Variants in CDYL2 observed in about 807,000 individuals in gnomAD.
The protein encoded by CDYL2 is chromodomain Y like 2, also known as chromodomain Y-like protein 2.
CDYL2 carries 23 observed loss-of-function variants against 49.4 expected under a neutral mutation model. That is an observed-to-expected ratio of 0.47 (90% CI 0.34 to 0.66). CDYL2 has a LOEUF of 0.66. Ranked by LOEUF, CDYL2 falls within the 30% of genes least tolerant of loss-of-function variation. The probability of loss-of-function intolerance (pLI) is 0.01; values close to 1 mark genes in which losing one functional copy is unlikely to be tolerated. For missense variants in CDYL2, 678 were observed against 656.4 expected (o/e 1.03, Z -0.36); for synonymous variants, 360 against 268.8 (o/e 1.34, Z -3.32).
At chr16:80,635,901 A>G (rs1291053431) in intron 2 of CDYL2, among the ~76,000 whole-genome samples, 1 of 152,248 alleles carries the variant, frequency 6.6e-6, no homozygotes, top group African/African-American at 2.4e-5. Context: ...GGCCTCAGAA[A>G]TAACACCACT....
intron 1 of CDYL2, among the ~76,000 whole-genome samples, chr16:80,753,469 G>A (rs529718848): frequency 1.3e-4 from 20 of 152,206 alleles, no homozygotes; most frequent in African/African-American, 3.6e-4. Context: ...TTAGCCAGGC[G>A]TGGTGGCGCA....
rs1013394913 is a variant in CDYL2 at position 80,684,785 on chromosome 16, C to T, written c.369G>A (p.Lys123=). ...TGGCCCTGTCACCTCCTGAAGAGGG[C>T]TTGCCTGAATACCCTTTTTTTGGCT... is the stretch of plus-strand genomic sequence containing the variant. ...LAKPKKGYSG[K]PSSGGDRATK... Residue 123 remains lysine (K), a synonymous_variant, in exon 2 of 7, where the codon AAG becomes AAA. Coordinates refer to ENST00000570137, the MANE Select transcript of CDYL2 (RefSeq NM_152342.4). 2 of 1,614,108 alleles carry T rather than the reference C, an allele frequency of 1.2e-6. No individual in the cohort carries two copies. The highest frequency in any genetic ancestry group is 2.7e-5 in the African/African-American group (2 of 74,932).
At position 80,612,617 on chromosome 16, in the gene CDYL2, G is replaced by C; in HGVS notation, c.1218+9C>G. 1.3e-6 allele frequency: 2 copies of C among 1,595,060 alleles called. No homozygotes were observed. The highest frequency in any genetic ancestry group is 1.7e-6 in the Non-Finnish European group (2 of 1,170,410). The stretch of plus-strand genomic sequence containing the variant: ...TGGGACCCGAATCCAGGTATCACAG[G>C]AGGCTTACCAGCGCGACGCCCAGGA... On this transcript the variant is annotated intron_variant, in intron 5 of 6. Coordinates refer to ENST00000570137, the MANE Select transcript of CDYL2 (RefSeq NM_152342.4). The surrounding 1 kb of genome is among the most constrained non-coding windows in gnomAD (Gnocchi z 5.0).
intron 1 of CDYL2, among the ~76,000 whole-genome samples, chr16:80,750,093 G>A (rs557666420): frequency 8.5e-4 from 129 of 152,040 alleles, no homozygotes; most frequent in Middle Eastern, 3.4e-3. Flanking sequence ...TGTGGGGTGG[G>A]GGGATGGGGG....
At chr16:80,676,478 G>A (rs1909747993) in intron 2 of CDYL2, among the ~76,000 whole-genome samples, 2 of 152,272 alleles carry the variant, frequency 1.3e-5, no homozygotes, top group South Asian at 2.1e-4. Context: ...GGCCACTGCC[G>A]ATGACAGTCA....
chr16:80,722,589 C>T (rs564245529), intron 1 of CDYL2, among the ~76,000 whole-genome samples: 6 of 152,248 alleles, frequency 3.9e-5, no homozygotes, highest in African/African-American at 1.2e-4. Context: ...TTTTCTTAGG[C>T]CTATTTTACA....
At chr16:80,778,923 C>T (rs72820983) in intron 1 of CDYL2, among the ~76,000 whole-genome samples, 1,864 of 152,048 alleles carry the variant, frequency 0.012, 23 homozygotes, top group Middle Eastern at 0.02. Flanking sequence ...AACGAAAGAT[C>T]AACAATCACA....
chr16:80,629,699 C>CA (rs1456856614), intron 3 of CDYL2, among the ~76,000 whole-genome samples: 3 of 152,214 alleles, frequency 2.0e-5, no homozygotes, highest in Non-Finnish European at 1.5e-5. Context: ...TTAATGCACA[C>CA]AGTAATGTAT....
intron 1 of CDYL2, among the ~76,000 whole-genome samples, chr16:80,759,923 A>G (rs939878626): frequency 6.6e-6 from 1 of 152,218 alleles, no homozygotes; most frequent in African/African-American, 2.4e-5. Context: ...AAACTGACTC[A>G]GACTATTTAG....
intron 2 of CDYL2, among the ~76,000 whole-genome samples, chr16:80,640,247 G>A (rs1013077527): frequency 2.0e-5 from 3 of 152,138 alleles, no homozygotes; most frequent in African/African-American, 4.8e-5. Context: ...GAAGAGTAGG[G>A]AGGACTTTGT....
intron 1 of CDYL2, among the ~76,000 whole-genome samples, chr16:80,738,959 A>C (rs1196512677): frequency 2.0e-5 from 3 of 152,254 alleles, no homozygotes; most frequent in Non-Finnish European, 2.9e-5. Flanking sequence ...TCAGCTGTAA[A>C]AGATCAGAGG....
intron 1 of CDYL2, among the ~76,000 whole-genome samples, chr16:80,755,251 T>G (rs920455685): frequency 6.6e-6 from 1 of 152,218 alleles, no homozygotes; most frequent in Non-Finnish European, 1.5e-5. Flanking sequence ...GTTTGGAGAA[T>G]GGAGGAAACC....
In CDYL2 at chr16:80,659,250, A is replaced by G. The variant is rs556383857; in HGVS notation, c.616+25288T>C. ...CTAGCTTGTATTCTTCAAAAATGTC[A>G]GCGTCATTAAAAACAATGGCAGACT... is the stretch of plus-strand genomic sequence containing the variant. On this transcript the variant is annotated intron_variant, in intron 2 of 6. Coordinates refer to ENST00000570137, the MANE Select transcript of CDYL2 (RefSeq NM_152342.4). 2.0e-5 allele frequency among the ~76,000 whole-genome samples: 3 copies of G among 152,358 alleles called. No homozygotes were observed. In the South Asian group the frequency reaches 6.2e-4, roughly 32 times the overall value.
intron 1 of CDYL2, among the ~76,000 whole-genome samples, chr16:80,687,529 G>C (rs1009126522): frequency 6.6e-6 from 1 of 151,974 alleles, no homozygotes; most frequent in African/African-American, 2.4e-5. Context: ...TGACTAGATG[G>C]ATAAATAAAT....
chr16:80,693,999 G>A (rs1475667468), intron 1 of CDYL2, among the ~76,000 whole-genome samples: 2 of 152,162 alleles, frequency 1.3e-5, no homozygotes, highest in East Asian at 1.9e-4. Context: ...ACAAAATAAA[G>A]ACAAAGTATA....
chr16:80,804,014 C>T, intron 1 of CDYL2, 136 bp downstream of exon 1: 1 of 393,398 alleles, frequency 2.5e-6, no homozygotes, highest in Non-Finnish European at 3.4e-6. Flanking sequence ...ACCCTCCGGC[C>T]GCCGCCGCCG....
intron 1 of CDYL2, among the ~76,000 whole-genome samples, chr16:80,726,356 A>C (rs1003650966): frequency 2.6e-5 from 4 of 152,246 alleles, no homozygotes; most frequent in African/African-American, 9.6e-5. Flanking sequence ...TGGCACAACA[A>C]ACAATAACTG....
intron 1 of CDYL2, among the ~76,000 whole-genome samples, chr16:80,803,948 G>GC (rs1293664866): frequency 9.1e-5 from 13 of 142,240 alleles, no homozygotes; most frequent in African/African-American, 3.3e-4. Context: ...GGGCGCGGGC[G>GC]CCGCGGGAGG....
At chr16:80,741,371 T>A (rs1345541434) in intron 1 of CDYL2, among the ~76,000 whole-genome samples, 1 of 151,856 alleles carries the variant, frequency 6.6e-6, no homozygotes, top group Non-Finnish European at 1.5e-5. Flanking sequence ...CACACACACT[T>A]GTGATTTAGA....
Sources: gnomAD v4.1 joint callset for allele counts (sites outside exome capture counted in the v4.1 genomes callset) on GRCh38, gnomAD v4.1.1 for gene constraint, Gnocchi (gnomAD v3.1) non-coding constraint, MANE v1.5 for transcripts, NCBI Gene and HGNC (gene_info 2026-07-23, HGNC 2026-07-21) for gene names.